GPC5: variants seen among roughly 807,000 people sequenced by gnomAD.
GPC5 encodes glypican-5.
In GPC5, 47 loss-of-function variants were observed where a neutral mutation model predicts 53.9. The observed-to-expected ratio is 0.87, with a 90% CI of 0.69 to 1.11. The LOEUF is 1.11. Among genes scored for constraint, GPC5 ranks in the 50% most tolerant of loss-of-function variants. The pLI is 0.00. For synonymous variants in GPC5, 286 were observed against 263.3 expected (o/e 1.09, Z -0.84); for missense variants, 748 against 713.1 (o/e 1.05, Z -0.56).
intron 7 of GPC5, among the ~76,000 whole-genome samples, chr13:92,674,262 C>A (rs1312086479): frequency 6.6e-6 from 1 of 152,120 alleles, no homozygotes; most frequent in African/African-American, 2.4e-5. Flanking sequence ...ATACAGTCAG[C>A]AACTTTAGAA....
At chr13:92,416,005 T>C (rs576376770) in intron 7 of GPC5, among the ~76,000 whole-genome samples, 2 of 152,266 alleles carry the variant, frequency 1.3e-5, no homozygotes, top group East Asian at 3.9e-4. Flanking sequence ...TTTAAAGAAA[T>C]GTAGCTGTGT....
intron 6 of GPC5, among the ~76,000 whole-genome samples, chr13:92,142,996 A>C (rs2041842400): frequency 6.6e-6 from 1 of 152,200 alleles, no homozygotes; most frequent in Non-Finnish European, 1.5e-5. Context: ...TAGAATATAT[A>C]ATAGAATAGA....
intron 7 of GPC5, among the ~76,000 whole-genome samples, chr13:92,165,570 C>A (rs1433472545): frequency 6.6e-6 from 1 of 152,138 alleles, no homozygotes; most frequent in Non-Finnish European, 1.5e-5. Flanking sequence ...ATGATCAGAT[C>A]TCCTGAGAAC....
In GPC5 at chr13:91,726,531, A is replaced by G. The variant is rs535338021; in HGVS notation, c.1021-2001A>G. Among the ~76,000 whole-genome samples the G allele has an allele frequency of 5.3e-5, 8 of 152,232 alleles. No individual in the cohort carries two copies. The South Asian group carries it at 1.7e-3, about 32-fold the overall frequency. ...TACCCTTTAAATATAATTTCCTTTT[A>G]TGCTTACCAGTCAGGAACCCATCTT... On this transcript the variant is annotated intron_variant, in intron 3 of 7. Transcript: ENST00000377067.
At chr13:92,231,643 G>C (rs1365479314) in intron 7 of GPC5, among the ~76,000 whole-genome samples, 2 of 148,844 alleles carry the variant, frequency 1.3e-5, no homozygotes, top group East Asian at 1.9e-4. Flanking sequence ...CTGATTAAAA[G>C]AAAAAACAAA....
chr13:91,478,812 TATATATATATAC>T lies in GPC5; in HGVS notation c.325+29892_325+29903del, dbSNP rs1318746087. Reference sequence around the variant, plus strand: ...ATTTGAGTTTATATATATATATATATATATATATATACACACACACACATATATATACACATT... The same window carrying T: ...ATTTGAGTTTATATATATATATATATACACACACACATATATATACACATT... On this transcript the variant is annotated intron_variant, in intron 2 of 7. Transcript: ENST00000377067. 5.0e-3 allele frequency among the ~76,000 whole-genome samples: 621 copies of T among 123,260 alleles called. 34 individuals are homozygous for T. Among genetic ancestry groups the T allele is most frequent in the Middle Eastern group, 0.012 (3 of 254 alleles). The allele number at this position is 123,260 out of a possible 152,430, so 80.9% of individuals were successfully genotyped here. A position where few individuals can be genotyped will look rare whatever the true frequency, so the allele number is the denominator to read the frequency against.
chr13:91,924,877 C>T (rs2039751924), intron 6 of GPC5, among the ~76,000 whole-genome samples: 1 of 150,842 alleles, frequency 6.6e-6, no homozygotes, highest in African/African-American at 2.4e-5. Context: ...GTCTCCAAGG[C>T]TGGAGTGCAG....
chr13:91,977,812 T>C (rs533765240), intron 6 of GPC5, among the ~76,000 whole-genome samples: 2 of 152,056 alleles, frequency 1.3e-5, no homozygotes, highest in Non-Finnish European at 2.9e-5. Context: ...TTGTTCAACC[T>C]GTTATAAAAA....
chr13:92,818,497 G>T (rs1168124013), intron 7 of GPC5, among the ~76,000 whole-genome samples: 1 of 151,904 alleles, frequency 6.6e-6, no homozygotes, highest in African/African-American at 2.4e-5. Flanking sequence ...TATTACCGAG[G>T]AAAGCTGTAA....
chr13:92,300,591 A>G (rs1217285104), intron 7 of GPC5, among the ~76,000 whole-genome samples: 2 of 152,228 alleles, frequency 1.3e-5, no homozygotes, highest in East Asian at 3.8e-4. Flanking sequence ...AATAAAATCA[A>G]TAGGCAGTGG....
intron 7 of GPC5, among the ~76,000 whole-genome samples, chr13:92,296,769 A>G (rs1020905439): frequency 6.6e-6 from 1 of 152,204 alleles, no homozygotes; most frequent in Admixed American, 6.5e-5. Flanking sequence ...GCAGCCAGCC[A>G]GCCCTGCTGG....
At chr13:91,419,713 G>A (rs577942937) in intron 1 of GPC5, among the ~76,000 whole-genome samples, 1 of 152,090 alleles carries the variant, frequency 6.6e-6, no homozygotes, top group Non-Finnish European at 1.5e-5. Context: ...AATTGTGCCT[G>A]GTAACAAGAC....
At chr13:92,585,018 G>A (rs948557661) in intron 7 of GPC5, among the ~76,000 whole-genome samples, 23 of 152,112 alleles carry the variant, frequency 1.5e-4, no homozygotes, top group Admixed American at 1.5e-3. Context: ...TGGTGGAGGG[G>A]GTAAGGGGGG....
chr13:92,009,053 A>G (rs1257616101), intron 6 of GPC5, among the ~76,000 whole-genome samples: 1 of 151,914 alleles, frequency 6.6e-6, no homozygotes, highest in Non-Finnish European at 1.5e-5. Flanking sequence ...TTGCCTAATT[A>G]TTTTATGTTT....
intron 7 of GPC5, among the ~76,000 whole-genome samples, chr13:92,515,116 C>A (rs2780744): frequency 0.78 from 118,595 of 152,118 alleles, 46,271 homozygotes; most frequent in African/African-American, 0.81. Flanking sequence ...AGAATAAAAA[C>A]TAGATGATAT....
intron 5 of GPC5, among the ~76,000 whole-genome samples, chr13:91,791,037 T>C (rs2037956063): frequency 6.6e-6 from 1 of 152,212 alleles, no homozygotes; most frequent in South Asian, 2.1e-4. Flanking sequence ...AGAGACTGGA[T>C]TATTGTTTTC....
chr13:91,962,599 T>A (rs995342904), intron 6 of GPC5, among the ~76,000 whole-genome samples: 1 of 152,144 alleles, frequency 6.6e-6, no homozygotes, highest in Non-Finnish European at 1.5e-5. Flanking sequence ...CACCCATACC[T>A]TCAAACACAC....
chr13:91,771,657 G>A (rs1326106355), intron 5 of GPC5, among the ~76,000 whole-genome samples: 1 of 152,132 alleles, frequency 6.6e-6, no homozygotes, highest in Non-Finnish European at 1.5e-5. Context: ...TGTGTAGGAG[G>A]AAAAGTTGAT....
chr13:91,983,956 G>A (rs1566378112), intron 6 of GPC5, among the ~76,000 whole-genome samples: 1 of 152,288 alleles, frequency 6.6e-6, no homozygotes, highest in South Asian at 2.1e-4. Flanking sequence ...ACATTCAGTA[G>A]ATTGCCAATT....
Sources: gnomAD v4.1 joint callset for allele counts (sites outside exome capture counted in the v4.1 genomes callset) on GRCh38, gnomAD v4.1.1 for gene constraint, MANE v1.5 for transcripts, NCBI Gene and HGNC (gene_info 2026-07-23, HGNC 2026-07-21) for gene names.